Variants in UGT2B7 observed in about 807,000 individuals in gnomAD.
The protein encoded by UGT2B7 is UDP glucuronosyltransferase family 2 member B7, also known as UDP-glucuronosyltransferase 2B7.
Under a neutral mutation model 51.9 loss-of-function variants are expected in UGT2B7, and 51 were observed. The observed-to-expected ratio is 0.98, with a 90% CI of 0.78 to 1.24. The LOEUF is 1.24. UGT2B7 is among the 50% of genes most tolerant of loss of function. The probability of loss-of-function intolerance (pLI) is 0.00; values close to 1 mark genes in which losing one functional copy is unlikely to be tolerated. For missense variants in UGT2B7, 727 were observed against 628.4 expected, an observed-to-expected ratio of 1.16 and a Z score of -1.68; for synonymous variants, 225 against 211.6, an observed-to-expected ratio of 1.06 and a Z score of -0.55.
chr4:69,067,869 A>G (rs1466321341), intron 1 of UGT2B7, among the ~76,000 whole-genome samples: 1 of 152,130 alleles, frequency 6.6e-6, no homozygotes, highest in South Asian at 2.1e-4. Flanking sequence ...AATAAGAGGA[A>G]TTACTAAAGA....
intron 1 of UGT2B7, among the ~76,000 whole-genome samples, chr4:69,057,039 A>T (rs1718220279): frequency 6.6e-6 from 1 of 152,224 alleles, no homozygotes; most frequent in South Asian, 2.1e-4. Flanking sequence ...TTAGAAACTG[A>T]TGTTATTCAT....
At chr4:69,110,221 T>C (rs1719734002) in intron 5 of UGT2B7, among the ~76,000 whole-genome samples, 1 of 152,078 alleles carries the variant, frequency 6.6e-6, no homozygotes, top group Admixed American at 6.6e-5. Flanking sequence ...GCATGTCGAA[T>C]AGTTATCTGA....
chr4:69,088,741 C>T (rs188872278), intron 1 of UGT2B7, among the ~76,000 whole-genome samples: 73 of 152,190 alleles, frequency 4.8e-4, no homozygotes, highest in African/African-American at 1.5e-3. Flanking sequence ...ATTAGTACTT[C>T]CACTCTTGTT....
At position 69,112,847 on chromosome 4, in the gene UGT2B7, AAAG is replaced by A; in HGVS notation, c.*114_*116del. On this transcript the variant is annotated 3_prime_UTR_variant, in exon 6 of 6. Transcript: ENST00000305231. ...CTTTCTTCCTGAGACAAAAAAAAAA[AAAG>A]AAAAAAAAATCTTTTCAAAATTTAC... is the stretch of plus-strand genomic sequence containing the variant. 8.6e-6 allele frequency: 12 copies of A among 1,390,010 alleles called. No individual in the cohort carries two copies. The highest frequency in any genetic ancestry group is 1.1e-5 in the Non-Finnish European group (12 of 1,057,596). 86.1% of individuals were successfully genotyped at this position (1,390,010 alleles called of 1,614,324 possible).
intron 1 of UGT2B7, among the ~76,000 whole-genome samples, chr4:69,057,599 A>G (rs1718235269): frequency 6.6e-6 from 1 of 152,222 alleles, no homozygotes; most frequent in South Asian, 2.1e-4. Context: ...TAACAGCACT[A>G]TTACAAAAGC....
rs1719676299 is a variant in UGT2B7 at position 69,108,378 on chromosome 4, A to G, written c.1310+56A>G. 4 of 1,582,058 alleles carry G rather than the reference A, an allele frequency of 2.5e-6. No individual in the cohort carries two copies. The Admixed American group carries it at 5.1e-5, about 20-fold the overall frequency. On this transcript the variant is annotated intron_variant, in intron 5 of 5. Coordinates refer to ENST00000305231, the MANE Select transcript of UGT2B7 (RefSeq NM_001074.4). ...TATTTACAGATAGCTTCTCTTGTCA[A>G]TAGTGAGTGTGAGTTTCATCCTTTT...
chr4:69,086,976 T>A (rs889142258), intron 1 of UGT2B7, among the ~76,000 whole-genome samples: 1 of 151,950 alleles, frequency 6.6e-6, no homozygotes, highest in African/African-American at 2.4e-5. Flanking sequence ...ATATTACTAA[T>A]AGATAAAGAT....
In UGT2B7 at chr4:69,064,022, A is replaced by AAGAAAGAC. The variant is rs1560499587; in HGVS notation, c.-159+12427_-159+12428insCAGAAAGA. On this transcript the variant is annotated intron_variant, in intron 1 of 5. Transcript: ENST00000502942. ...CATCAAAGGGGAAGATGAGATGGGA[A>AAGAAAGAC]AGAAAGAAAGAAAGAAAGAAAGAAA... is the stretch of plus-strand genomic sequence containing the variant. Among the ~76,000 whole-genome samples, 37 of 37,392 alleles carry AAGAAAGAC rather than the reference A, an allele frequency of 9.9e-4. 1 individual carries two copies. The highest frequency in any genetic ancestry group is 4.8e-3 in the African/African-American group (35 of 7,230). The allele number at this position is 37,392 out of a possible 152,430, so 24.5% of individuals were successfully genotyped here.
intron 1 of UGT2B7, among the ~76,000 whole-genome samples, chr4:69,074,714 C>G (rs1718666960): frequency 6.6e-6 from 1 of 152,026 alleles, no homozygotes; most frequent in African/African-American, 2.4e-5. Context: ...TCACTGCACT[C>G]TGTAAATTTT....
chr4:69,089,958 A>G (rs1719049331), intron 2 of UGT2B7, among the ~76,000 whole-genome samples: 1 of 152,190 alleles, frequency 6.6e-6, no homozygotes, highest in South Asian at 2.1e-4. Context: ...GAACATAAAA[A>G]GGGAGGGCTG....
intron 5 of UGT2B7, among the ~76,000 whole-genome samples, chr4:69,109,733 T>A (rs1280394870): frequency 1.3e-5 from 2 of 152,106 alleles, no homozygotes; most frequent in Non-Finnish European, 1.5e-5. Flanking sequence ...TAAGTTAAAT[T>A]TTTAATAATT....
At chr4:69,090,270 C>CA (rs992459071) in intron 2 of UGT2B7, among the ~76,000 whole-genome samples, 4 of 152,046 alleles carry the variant, frequency 2.6e-5, no homozygotes, top group Non-Finnish European at 5.9e-5. Context: ...TCATAAAACT[C>CA]AATAAAAGCA....
At chr4:69,067,835 A>G (rs1482407023) in intron 1 of UGT2B7, among the ~76,000 whole-genome samples, 1 of 152,156 alleles carries the variant, frequency 6.6e-6, no homozygotes. Flanking sequence ...ATAGTGCATA[A>G]GTTCTAAAAT....
Position 69,112,615 on chromosome 4 carries a change from C to G in UGT2B7, c.1469C>G (p.Ser490Cys). Residue 490 changes from serine (S) to cysteine (C), a missense_variant, in exon 6 of 6, where the codon TCT becomes TGT. Transcript: ENST00000305231. ...AHDLTWFQYH[S>C]LDVIGFLLVC... ...GACCTCACCTGGTTCCAGTACCACT[C>G]TTTGGATGTGATTGGGTTCCTGCTG... 1 of 1,613,912 alleles carries G rather than the reference C, an allele frequency of 6.2e-7. No individual in the cohort carries two copies. The highest frequency in any genetic ancestry group is 8.5e-7 in the Non-Finnish European group (1 of 1,179,894).
At chr4:69,056,091 A>G (rs1312809976) in intron 1 of UGT2B7, among the ~76,000 whole-genome samples, 1 of 152,162 alleles carries the variant, frequency 6.6e-6, no homozygotes, top group Non-Finnish European at 1.5e-5. Flanking sequence ...AATTGGCACC[A>G]TTAAGCCTTC....
chr4:69,095,152 G>T (rs886778009), upstream of UGT2B7, among the ~76,000 whole-genome samples: 1 of 152,126 alleles, frequency 6.6e-6, no homozygotes, highest in African/African-American at 2.4e-5. Context: ...ACACTGAGAC[G>T]TCAGATTTGG....
upstream of UGT2B7, among the ~76,000 whole-genome samples, chr4:69,093,295 T>C (rs1249411951): frequency 2.0e-5 from 3 of 152,140 alleles, no homozygotes; most frequent in Non-Finnish European, 4.4e-5. Context: ...TCGATTTGGA[T>C]GCTCCAAAGC....
rs201077663 is a variant in UGT2B7, at chr4:69,085,514, T to TGC, written c.-158-3957_-158-3956dup. Among the ~76,000 whole-genome samples, 1,043 of 152,236 alleles carry TGC rather than the reference T, an allele frequency of 6.9e-3. 11 individuals carry two copies. Among genetic ancestry groups the TGC allele is most frequent in the African/African-American group, 0.024 (999 of 41,552 alleles). ...TTGACTTTGTTGCAATTGCTTTTGG[T>TGC]GCTTTAGTCATGAAGTATTTGTCTA... is the stretch of plus-strand genomic sequence containing the variant. On this transcript the variant is annotated intron_variant, in intron 1 of 5. Coordinates refer to the UGT2B7 transcript ENST00000502942.
chr4:69,085,177 T>C (rs1023758647), intron 1 of UGT2B7, among the ~76,000 whole-genome samples: 2 of 152,192 alleles, frequency 1.3e-5, no homozygotes, highest in African/African-American at 4.8e-5. Flanking sequence ...TGGTGGGAGA[T>C]GGTATCTCAT....
Sources: allele counts gnomAD v4.1 joint callset (sites outside exome capture counted in the v4.1 genomes callset), GRCh38; gene constraint gnomAD v4.1.1; transcripts MANE v1.5; gene names NCBI Gene and HGNC (gene_info 2026-07-23, HGNC 2026-07-21).